The following IARS2 variants were observed in gnomAD, a reference collection of about 807,000 sequenced individuals.
IARS2 encodes the protein isoleucyl-tRNA synthetase 2, mitochondrial, also known as isoleucine--tRNA ligase, mitochondrial.
A neutral mutation model predicts 126.3 loss-of-function variants in IARS2; 56 were observed. That is an observed-to-expected ratio of 0.44 (90% confidence interval 0.36 to 0.55). The LOEUF (loss-of-function observed/expected upper bound fraction) is 0.55, where lower values mean the gene tolerates loss of function less well. Among genes scored for constraint, IARS2 ranks in the 20% least tolerant of loss-of-function variants. IARS2 has a pLI of 0.00. For synonymous variants in IARS2, 407 were observed against 441.1 expected, an observed-to-expected ratio of 0.92 and a Z score of 0.97; for missense variants, 1,127 against 1,245.9, an observed-to-expected ratio of 0.90 and a Z score of 1.44.
chr1:220,107,521 T>C (rs1419534215), intron 10 of IARS2, among the ~76,000 whole-genome samples: 4 of 152,222 alleles, frequency 2.6e-5, no homozygotes, highest in Non-Finnish European at 4.4e-5. Flanking sequence ...ATTTATGTAT[T>C]AGAATCTTGG....
Position 220,105,884 on chromosome 1 carries a change from C to T in IARS2, c.1067-7C>T. ...TGATTCTTAATAGTGGTTTTCTTTC[C>T]CCACAGGTGTAGATTTGGAAAATGG... On this transcript the variant is annotated splice_polypyrimidine_tract_variant and splice_region_variant and intron_variant, in intron 8 of 22. Transcript: ENST00000366922. 6.2e-7 allele frequency: 1 copy of T among 1,612,912 alleles called. No individual in the cohort carries two copies. The highest frequency in any genetic ancestry group is 8.5e-7 in the Non-Finnish European group (1 of 1,179,054).
At chr1:220,106,427 G>A (rs557575523) in intron 9 of IARS2, among the ~76,000 whole-genome samples, 74 of 152,078 alleles carry the variant, frequency 4.9e-4, no homozygotes, top group Admixed American at 1.7e-3. Context: ...AAGTATTTCC[G>A]TTTAGTTAAA....
Position 220,134,477 on chromosome 1 carries a change from C to T in IARS2, c.1913C>T (p.Thr638Ile), listed in dbSNP as rs373706134. The change falls in exon 15 of 23, where the codon ACA becomes ATA. Residue 638 changes from threonine to isoleucine, a missense_variant. Coordinates refer to ENST00000366922, the MANE Select transcript of IARS2 (RefSeq NM_018060.4). ...LGGWFQSSLL[T>I]SVAARKRAPY... is the part of the protein sequence containing the mutation. ...GGTTGGTTTCAGTCATCCTTATTAA[C>T]AAGTGTGGCAGCAAGGAAGAGAGCA... 10 of 1,613,024 alleles carry T rather than the reference C, an allele frequency of 6.2e-6. No homozygotes were observed. The African/African-American group carries it at 1.1e-4, about 17-fold the overall frequency.
intron 12 of IARS2, among the ~76,000 whole-genome samples, chr1:220,115,149 GTATCTC>G (rs1261104058): frequency 1.3e-5 from 2 of 152,110 alleles, no homozygotes; most frequent in Non-Finnish European, 2.9e-5. Flanking sequence ...ACAAAAGAGA[GTATCTC>G]TATCTTCTGC....
chr1:220,132,456 T>C (rs1657289243), intron 14 of IARS2, among the ~76,000 whole-genome samples: 1 of 152,104 alleles, frequency 6.6e-6, no homozygotes, highest in Non-Finnish European at 1.5e-5. Flanking sequence ...TTAGTGTACA[T>C]TTGTTTATAG....
At position 220,141,930 on chromosome 1, in the gene IARS2, C is replaced by T; in HGVS notation, c.2542C>T (p.His848Tyr). 2 of 1,613,830 alleles carry T rather than the reference C, an allele frequency of 1.2e-6. No individual in the cohort carries two copies. Among genetic ancestry groups the T allele is most frequent in the Non-Finnish European group, 1.7e-6 (2 of 1,179,876 alleles). The change falls in exon 20 of 23, where the codon CAC becomes TAC. Residue 848 changes from histidine to tyrosine, a missense_variant. By Grantham distance (83) the His-to-Tyr change is moderately conservative. Coordinates refer to ENST00000366922, the MANE Select transcript of IARS2 (RefSeq NM_018060.4). ...LPHLAEEVFQ[H>Y]IPYIKEPKSV... Reference sequence around the variant, plus strand: ...TCACCTGGCTGAAGAGGTGTTCCAGCACATACCTTATATTAAAGGTAAGGA... The same window carrying T: ...TCACCTGGCTGAAGAGGTGTTCCAGTACATACCTTATATTAAAGGTAAGGA...
chr1:220,094,263 C>T lies in IARS2; in HGVS notation c.47C>T (p.Ala16Val). 1.2e-6 allele frequency: 2 copies of T among 1,607,230 alleles called. No individual in the cohort carries two copies. The highest frequency in any genetic ancestry group is 1.7e-6 in the Non-Finnish European group (2 of 1,176,928). Residue 16 changes from alanine (A) to valine (V), a missense_variant, in exon 1 of 23, where the codon GCC becomes GTC. Ala to Val is a moderately conservative substitution (Grantham distance 64). Coordinates refer to ENST00000366922, the MANE Select transcript of IARS2 (RefSeq NM_018060.4). ...RPRGPGAAAL[A>V]TARSLWGTPR... ...CGCGGGCCGGGCGCGGCCGCCCTGG[C>T]CACTGCCCGAAGTTTGTGGGGGACG...
In IARS2 at chr1:220,137,997, C is replaced by T; in HGVS notation, c.2129C>T (p.Ala710Val). ...GATTCCAATGTCTTCACCGAAGTTG[C>T]AATTGGCCCATCCGTGCTCAATGCT... ...VADSNVFTEV[A>V]IGPSVLNAAR... The change falls in exon 17 of 23, where the codon GCA becomes GTA. Residue 710 changes from alanine to valine, a missense_variant. Transcript: ENST00000366922. 6.2e-7 allele frequency: 1 copy of T among 1,614,052 alleles called. No homozygotes were observed. Among genetic ancestry groups the T allele is most frequent in the Non-Finnish European group, 8.5e-7 (1 of 1,179,956 alleles).
chr1:220,147,655 C>CG lies in IARS2; in HGVS notation c.*20_*21insG, dbSNP rs764685071. The CG allele has an allele frequency of 6.2e-7, 1 of 1,612,862 alleles. No homozygotes were observed. On this transcript the variant is annotated 3_prime_UTR_variant, in exon 23 of 23. Coordinates refer to ENST00000366922, the MANE Select transcript of IARS2 (RefSeq NM_018060.4). ...AAATAGTATTAACAGCTCACTCGAG[C>CG]AAGAACCCTCCTGACAGTACTGGCT...
At chr1:220,127,669 G>A (rs76233974) in intron 14 of IARS2, among the ~76,000 whole-genome samples, 10,891 of 152,176 alleles carry the variant, frequency 0.072, 518 homozygotes, top group South Asian at 0.15. Context: ...GCTTTCTGGA[G>A]TAAGGGTATG....
At position 220,100,572 on chromosome 1, in the gene IARS2, T is replaced by C; in HGVS notation, c.473T>C (p.Leu158Ser). ...HFVPGWDCHGLPIEIKVLSEL... is the reference protein window; with the variant it reads ...HFVPGWDCHGSPIEIKVLSEL... ...GTGCCCGGCTGGGATTGTCATGGGT[T>C]GCCCATTGAAATAAAAGTATTATCA... is the stretch of plus-strand genomic sequence containing the variant. The change falls in exon 3 of 23, where the codon TTG becomes TCG. Residue 158 changes from leucine (L) to serine (S), a missense_variant. Transcript: ENST00000366922. The C allele has an allele frequency of 6.2e-7, 1 of 1,613,328 alleles. No homozygotes were observed. Among genetic ancestry groups the C allele is most frequent in the South Asian group, 1.1e-5 (1 of 91,016 alleles).
intron 17 of IARS2, among the ~76,000 whole-genome samples, chr1:220,138,789 G>A (rs546291917): frequency 1.9e-4 from 29 of 152,176 alleles, no homozygotes; most frequent in African/African-American, 3.6e-4. Context: ...GTCGTTAGGC[G>A]TAAAATCCAG....
chr1:220,127,475 T>C (rs1207656255), intron 14 of IARS2, among the ~76,000 whole-genome samples: 1 of 152,210 alleles, frequency 6.6e-6, no homozygotes, highest in African/African-American at 2.4e-5. Context: ...AGAGGATGTG[T>C]TTAGATGCTT....
intron 12 of IARS2, among the ~76,000 whole-genome samples, chr1:220,122,683 TC>T (rs1657073183): frequency 6.6e-6 from 1 of 152,168 alleles, no homozygotes; most frequent in Non-Finnish European, 1.5e-5. Flanking sequence ...GTAAAGTGCT[TC>T]GAAAAAGATA....
At chr1:220,133,016 CT>C (rs5781166) in intron 14 of IARS2, among the ~76,000 whole-genome samples, 139 of 143,326 alleles carry the variant, frequency 9.7e-4, no homozygotes, top group Admixed American at 1.6e-3. Context: ...TATTTCTTTT[CT>C]TTTTTTTTTT....
chr1:220,137,900 T>C lies in IARS2; in HGVS notation c.2050-18T>C, dbSNP rs777771094. 2 of 1,613,556 alleles carry C rather than the reference T, an allele frequency of 1.2e-6. No homozygotes were observed. The highest frequency in any genetic ancestry group is 1.7e-5 in the Admixed American group (1 of 59,866). ...ATTGAAAGCCATTGTGTTTATATAT[T>C]TTTTTCTCAATGAAAAGGATCAAAG... On this transcript the variant is annotated intron_variant, in intron 16 of 22. Coordinates refer to ENST00000366922, the MANE Select transcript of IARS2 (RefSeq NM_018060.4).
intron 14 of IARS2, among the ~76,000 whole-genome samples, chr1:220,127,673 G>A (rs1208012703): frequency 2.0e-5 from 3 of 152,180 alleles, no homozygotes; most frequent in African/African-American, 7.2e-5. Context: ...TCTGGAGTAA[G>A]GGTATGTGGG....
intron 16 of IARS2, 98 bp downstream of exon 16, chr1:220,137,009 C>A: frequency 3.1e-6 from 2 of 653,706 alleles, no homozygotes. Flanking sequence ...AAAATAAAAA[C>A]TATCTTTTAT....
Position 220,130,641 on chromosome 1 carries a change from T to C in IARS2, c.1838-3761T>C, listed in dbSNP as rs1571859653. Among the ~76,000 whole-genome samples the C allele has an allele frequency of 3.3e-5, 5 of 152,246 alleles. 1 individual carries two copies. ...GGCACGATCTTGGCTCACTGCAAGC[T>C]CCGCCTCCTGGGTTCACGCCATTCT... On this transcript the variant is annotated intron_variant, in intron 14 of 22. Transcript: ENST00000366922.
Sources: allele counts gnomAD v4.1 joint callset (sites outside exome capture counted in the v4.1 genomes callset), GRCh38; gene constraint gnomAD v4.1.1; transcripts MANE v1.5; gene names NCBI Gene and HGNC (gene_info 2026-07-23, HGNC 2026-07-21).